CRHR2: variants seen among roughly 807,000 people sequenced by gnomAD.
The protein encoded by CRHR2 is corticotropin-releasing hormone receptor 2.
In CRHR2, 53 loss-of-function variants were observed where a neutral mutation model predicts 57.9. The observed-to-expected ratio is 0.92, with a 90% CI of 0.73 to 1.15. The LOEUF (loss-of-function observed/expected upper bound fraction) is 1.15. CRHR2 is among the 50% of genes most tolerant of loss of function. The pLI, the probability that CRHR2 is intolerant of heterozygous loss-of-function variation, is 0.00. For missense variants in CRHR2, 532 were observed against 542.6 expected, an observed-to-expected ratio of 0.98 and a Z score of 0.19; for synonymous variants, 213 against 220.9, an observed-to-expected ratio of 0.96 and a Z score of 0.32.
At chr7:30,686,363 G>A (rs1347264494), upstream of CRHR2, 6 of 1,517,344 alleles carry the variant, frequency 4.0e-6, no homozygotes, top group Admixed American at 1.2e-4. Context: ...CTTCAGCCCA[G>A]TGAGTCACTA....
intron 5 of CRHR2, among the ~76,000 whole-genome samples, chr7:30,664,296 G>A (rs1171248100): frequency 6.6e-6 from 1 of 152,216 alleles, no homozygotes; most frequent in Non-Finnish European, 1.5e-5. Context: ...ACAATAGCTT[G>A]GACACAGTAC....
upstream of CRHR2, among the ~76,000 whole-genome samples, chr7:30,684,477 A>G (rs1022618130): frequency 2.0e-5 from 3 of 152,256 alleles, no homozygotes; most frequent in African/African-American, 7.2e-5. Context: ...CCCAATGACC[A>G]GAGGCCAGGG....
intron 3 of CRHR2, among the ~76,000 whole-genome samples, chr7:30,666,692 C>T (rs1171790452): frequency 6.6e-6 from 1 of 152,240 alleles, no homozygotes; most frequent in Non-Finnish European, 1.5e-5. Context: ...TGAGATGTAT[C>T]CTTTCAGGTC....
intron 2 of CRHR2, among the ~76,000 whole-genome samples, chr7:30,677,887 T>C (rs1445575359): frequency 6.6e-6 from 1 of 152,188 alleles, no homozygotes. Context: ...TCTGGCAAAA[T>C]GGCAAGATCC....
At chr7:30,670,810 A>C (rs1784332208) in intron 2 of CRHR2, among the ~76,000 whole-genome samples, 1 of 152,214 alleles carries the variant, frequency 6.6e-6, no homozygotes, top group South Asian at 2.1e-4. Flanking sequence ...CCATAGCAAC[A>C]CAGGTGCCCC....
chr7:30,673,706 T>C (rs1202415972), intron 2 of CRHR2, among the ~76,000 whole-genome samples: 1 of 152,144 alleles, frequency 6.6e-6, no homozygotes. Flanking sequence ...CCAAACGAGG[T>C]GCATCTCCTT....
chr7:30,691,171 G>A (rs897291645), intron 1 of CRHR2, among the ~76,000 whole-genome samples: 3 of 152,188 alleles, frequency 2.0e-5, no homozygotes, highest in Non-Finnish European at 2.9e-5. Context: ...CTGGGTCTGG[G>A]GACAGTGAGG....
At chr7:30,661,588 G>A (rs1784002074) in intron 7 of CRHR2, among the ~76,000 whole-genome samples, 1 of 152,096 alleles carries the variant, frequency 6.6e-6, no homozygotes, top group Non-Finnish European at 1.5e-5. Flanking sequence ...ATGTTCCCTG[G>A]TCCCCGCTGC....
At position 30,665,242 on chromosome 7, in the gene CRHR2, G is replaced by A. The variant is rs1480371548; in HGVS notation, c.426-55C>T. 2.0e-6 allele frequency: 3 copies of A among 1,487,306 alleles called. No homozygotes were observed. Among genetic ancestry groups the A allele is most frequent in the South Asian group, 2.3e-5 (2 of 87,894 alleles). The allele number at this position is 1,487,306 out of a possible 1,614,324, so 92.1% of individuals were successfully genotyped here. A position where few individuals can be genotyped will look rare whatever the true frequency, so the allele number is the denominator to read the frequency against. ...AGGTTCAGGGGTCAACTGGGACTGG[G>A]TTCCCCCTGAGGCCAGGTAGAGACT... is the stretch of plus-strand genomic sequence containing the variant. On this transcript the variant is annotated intron_variant, in intron 4 of 11. Coordinates refer to ENST00000471646, the MANE Select transcript of CRHR2 (RefSeq NM_001883.5). The surrounding 1 kb of genome is among the most constrained non-coding windows in gnomAD (Gnocchi z 4.5).
At chr7:30,677,258 A>G (rs1277950502) in intron 2 of CRHR2, among the ~76,000 whole-genome samples, 1 of 152,210 alleles carries the variant, frequency 6.6e-6, no homozygotes, top group Non-Finnish European at 1.5e-5. Flanking sequence ...ATACACCCAG[A>G]AACAGAACCA....
intron 6 of CRHR2, among the ~76,000 whole-genome samples, chr7:30,662,438 G>A (rs904952590): frequency 7.2e-5 from 11 of 152,214 alleles, no homozygotes; most frequent in African/African-American, 2.2e-4. Flanking sequence ...AGTAGAGCCA[G>A]CCAGTTTCTG....
At chr7:30,692,794 C>T (rs1180969219) in intron 1 of CRHR2, among the ~76,000 whole-genome samples, 2 of 152,222 alleles carry the variant, frequency 1.3e-5, no homozygotes, top group African/African-American at 4.8e-5. Context: ...CTGCAAATAA[C>T]CCCATTTCAC....
chr7:30,664,962 T>A (rs1740475564), intron 5 of CRHR2, 108 bp downstream of exon 5: 1 of 845,286 alleles, frequency 1.2e-6, no homozygotes, highest in Admixed American at 1.8e-5. Context: ...TAGCAGGTAG[T>A]GAGCTTCCTG....
intron 1 of CRHR2, among the ~76,000 whole-genome samples, chr7:30,691,832 G>A (rs1784966322): frequency 6.6e-6 from 1 of 152,176 alleles, no homozygotes; most frequent in Non-Finnish European, 1.5e-5. Flanking sequence ...TCAATTTTGG[G>A]CAGAGCCCCT....
intron 8 of CRHR2, among the ~76,000 whole-genome samples, chr7:30,658,377 C>T (rs1783868897): frequency 5.3e-5 from 8 of 152,116 alleles, no homozygotes; most frequent in Admixed American, 3.3e-4. Flanking sequence ...TCAGCGATGG[C>T]GAAGTGGACA....
intron 2 of CRHR2, among the ~76,000 whole-genome samples, chr7:30,675,527 G>A (rs1784491064): frequency 6.6e-6 from 1 of 152,244 alleles, no homozygotes; most frequent in South Asian, 2.1e-4. Context: ...AAAGCCAGCA[G>A]AATCGAGGCC....
At chr7:30,658,634 G>A (rs1296684500) in intron 8 of CRHR2, among the ~76,000 whole-genome samples, 1 of 152,178 alleles carries the variant, frequency 6.6e-6, no homozygotes, top group African/African-American at 2.4e-5. Context: ...TTAACCTCAT[G>A]AGCTCCTGCT....
upstream of CRHR2, chr7:30,686,548 C>T (rs939376484): frequency 2.0e-6 from 3 of 1,518,282 alleles, no homozygotes; most frequent in Admixed American, 4.1e-5. Context: ...GTGGCTCACA[C>T]CCATAATCTC....
chr7:30,660,511 G>A, intron 8 of CRHR2, 62 bp downstream of exon 8: 7 of 1,499,942 alleles, frequency 4.7e-6, no homozygotes, highest in Non-Finnish European at 6.4e-6. Flanking sequence ...GTCTCTGCCT[G>A]GGTGGGCCCT....
Sources: allele counts gnomAD v4.1 joint callset (sites outside exome capture counted in the v4.1 genomes callset), GRCh38; gene constraint gnomAD v4.1.1; non-coding constraint Gnocchi (gnomAD v3.1); transcripts MANE v1.5; gene names NCBI Gene and HGNC (gene_info 2026-07-23, HGNC 2026-07-21).